MAGI2: variants seen among roughly 807,000 people sequenced by gnomAD.
The protein encoded by MAGI2 is membrane-associated guanylate kinase, WW and PDZ domain-containing protein 2.
A neutral mutation model predicts 133.3 loss-of-function variants in MAGI2; 35 were observed. That is an observed-to-expected ratio of 0.26 (90% confidence interval 0.20 to 0.35). The LOEUF (loss-of-function observed/expected upper bound fraction) is 0.35. MAGI2 is among the 10% of genes least tolerant of loss of function. The probability of loss-of-function intolerance (pLI) is 1.00; values close to 1 mark genes in which losing one functional copy is unlikely to be tolerated. For synonymous variants in MAGI2, 729 were observed against 710.6 expected, an observed-to-expected ratio of 1.03 and a Z score of -0.41; for missense variants, 1,636 against 1,863.4, an observed-to-expected ratio of 0.88 and a Z score of 2.25.
Position 79,250,274 on chromosome 7 carries a change from G to A in MAGI2, c.301+202746C>T, listed in dbSNP as rs142111835. On this transcript the variant is annotated intron_variant, in intron 1 of 21. Transcript: ENST00000354212. ...ATGTTCATCACTTTTATTCAACATGGTATTGGAAGTCATATCTAGACCTTT... is the reference window on the plus strand; with the variant it reads ...ATGTTCATCACTTTTATTCAACATGATATTGGAAGTCATATCTAGACCTTT... Among the ~76,000 whole-genome samples, 57 of 149,982 alleles carry A rather than the reference G, an allele frequency of 3.8e-4. No individual in the cohort carries two copies. In the East Asian group the frequency reaches 0.011, roughly 28 times the overall value.
chr7:79,336,520 A>T (rs1436204004), intron 1 of MAGI2, among the ~76,000 whole-genome samples: 1 of 152,178 alleles, frequency 6.6e-6, no homozygotes, highest in Non-Finnish European at 1.5e-5. Context: ...GCGCTTATGC[A>T]GTACAGTATT....
In MAGI2 at chr7:79,026,084, T is replaced by C. The variant is rs146013176; in HGVS notation, c.302-18878A>G. Reference sequence around the variant, plus strand: ...TACCTGAAGTCTATCAGTTAAAATTTCCTGAAAATTCACTTTTAGACATCT... The same window carrying C: ...TACCTGAAGTCTATCAGTTAAAATTCCCTGAAAATTCACTTTTAGACATCT... On this transcript the variant is annotated intron_variant, in intron 1 of 21. Coordinates refer to ENST00000354212, the MANE Select transcript of MAGI2 (RefSeq NM_012301.4). 4.3e-3 allele frequency among the ~76,000 whole-genome samples: 653 copies of C among 152,326 alleles called. 21 individuals are homozygous for C. Among genetic ancestry groups the C allele is most frequent in the Admixed American group, 0.037 (568 of 15,288 alleles).
rs368832853 is a variant in MAGI2, at chr7:79,253,465, A to G, written c.301+199555T>C. On this transcript the variant is annotated intron_variant, in intron 1 of 21. Coordinates refer to ENST00000354212, the MANE Select transcript of MAGI2 (RefSeq NM_012301.4). ...TGAGAGCAGCCTGGCCAACATGGTG[A>G]AATCCTGTCTTTACTAAAAATATAA... is the stretch of plus-strand genomic sequence containing the variant. Among the ~76,000 whole-genome samples the G allele has an allele frequency of 5.3e-5, 8 of 152,228 alleles. No homozygotes were observed. In the East Asian group the frequency reaches 1.4e-3, roughly 26 times the overall value.
At chr7:78,446,824 C>T (rs1194562151) in intron 6 of MAGI2, among the ~76,000 whole-genome samples, 1 of 152,030 alleles carries the variant, frequency 6.6e-6, no homozygotes, top group Non-Finnish European at 1.5e-5. Flanking sequence ...TGCAATTATG[C>T]TTATAAGCAT....
At chr7:79,353,481 C>T (rs1367964185) in intron 1 of MAGI2, 3 of 455,930 alleles carry the variant, frequency 6.6e-6, no homozygotes, top group Non-Finnish European at 1.3e-5. Context: ...TGGCACCCGC[C>T]CTGGTGTGTG....
At chr7:79,224,238 A>G (rs1830670039) in intron 1 of MAGI2, among the ~76,000 whole-genome samples, 1 of 152,024 alleles carries the variant, frequency 6.6e-6, no homozygotes, top group Non-Finnish European at 1.5e-5. Flanking sequence ...ACCTCAGATG[A>G]AATGAAAGTA....
intron 2 of MAGI2, among the ~76,000 whole-genome samples, chr7:78,826,501 G>T (rs1790665466): frequency 6.6e-6 from 1 of 152,126 alleles, no homozygotes; most frequent in South Asian, 2.1e-4. Context: ...GAGTTTGGTG[G>T]TAGTGGGGGC....
At chr7:79,363,623 G>C (rs192071790) in intron 1 of MAGI2, among the ~76,000 whole-genome samples, 1 of 150,510 alleles carries the variant, frequency 6.6e-6, no homozygotes, top group East Asian at 2.0e-4. Flanking sequence ...AACAGGGGAA[G>C]TTTTCCTTGA....
At chr7:79,260,448 A>G (rs1274468909) in intron 1 of MAGI2, among the ~76,000 whole-genome samples, 1 of 152,194 alleles carries the variant, frequency 6.6e-6, no homozygotes, top group Admixed American at 6.6e-5. Context: ...TTTATCTTCA[A>G]TAATAAGTAG....
At chr7:79,261,921 G>A (rs551672172) in intron 1 of MAGI2, among the ~76,000 whole-genome samples, 443 of 152,226 alleles carry the variant, frequency 2.9e-3, no homozygotes, top group African/African-American at 0.01. Context: ...AAAGTTGCAA[G>A]TAACTTTGTT....
chr7:79,150,178 C>T (rs565945146), intron 1 of MAGI2, among the ~76,000 whole-genome samples: 3 of 151,960 alleles, frequency 2.0e-5, no homozygotes, highest in South Asian at 4.2e-4. Context: ...TGGAGCAGCC[C>T]TAGAGCCAAG....
chr7:78,032,425 G>A (rs1286555080), intron 21 of MAGI2, among the ~76,000 whole-genome samples: 1 of 152,078 alleles, frequency 6.6e-6, no homozygotes, highest in Non-Finnish European at 1.5e-5. Context: ...ATGTTGCCCA[G>A]GATGGTCTTG....
intron 2 of MAGI2, among the ~76,000 whole-genome samples, chr7:78,679,249 A>T (rs543714012): frequency 6.6e-6 from 1 of 152,166 alleles, no homozygotes; most frequent in Admixed American, 6.6e-5. Flanking sequence ...TTCTTACAGC[A>T]TCTTGTACAT....
At chr7:79,139,768 C>T (rs1821942446) in intron 1 of MAGI2, 1 of 152,160 alleles carries the variant, frequency 6.6e-6, no homozygotes, top group South Asian at 2.1e-4. Flanking sequence ...GCTGTTTCCA[C>T]AGCAATAACA....
chr7:79,250,898 T>C (rs768970164), intron 1 of MAGI2, among the ~76,000 whole-genome samples: 3 of 152,106 alleles, frequency 2.0e-5, no homozygotes, highest in Non-Finnish European at 4.4e-5. Flanking sequence ...AACAGACACA[T>C]AGGCCATCAC....
chr7:78,209,054 C>G lies in MAGI2; in HGVS notation c.2048-7861G>C, dbSNP rs1447013397. Among the ~76,000 whole-genome samples the G allele has an allele frequency of 3.5e-5, 5 of 144,040 alleles. No individual in the cohort carries two copies. The South Asian group carries it at 7.1e-4, about 20-fold the overall frequency. The allele number at this position is 144,040 out of a possible 152,430, so 94.5% of individuals were successfully genotyped here. ...GGGCTAACACGGTGAAACCCTGTCT[C>G]TACTAAAAATACAAAAAATTAGCCG... On this transcript the variant is annotated intron_variant, in intron 10 of 21. Coordinates refer to ENST00000354212, the MANE Select transcript of MAGI2 (RefSeq NM_012301.4).
intron 1 of MAGI2, among the ~76,000 whole-genome samples, chr7:79,391,832 C>A (rs7456591): frequency 0.15 from 22,223 of 151,480 alleles, 1,804 homozygotes; most frequent in East Asian, 0.29. Context: ...TACAGGCGCA[C>A]GCCACCACAC....
rs546168996 is a variant in MAGI2, at chr7:78,465,536, T to A, written c.1045+24225A>T. 6.8e-4 allele frequency among the ~76,000 whole-genome samples: 104 copies of A among 152,296 alleles called. 1 individual carries two copies. Among genetic ancestry groups the A allele is most frequent in the African/African-American group, 2.2e-3 (91 of 41,560 alleles). ...CATATGGCATGGATAAGGATGTAAT[T>A]ATGAAAAGATGTAGATTATCACAGA... On this transcript the variant is annotated intron_variant, in intron 6 of 21. Transcript: ENST00000354212.
chr7:79,193,833 G>C (rs189288700), intron 1 of MAGI2, among the ~76,000 whole-genome samples: 1 of 151,968 alleles, frequency 6.6e-6, no homozygotes, highest in Admixed American at 6.6e-5. Flanking sequence ...ATTCTTGGGC[G>C]TTGCAAACCG....
Sources: allele counts gnomAD v4.1 joint callset (sites outside exome capture counted in the v4.1 genomes callset), GRCh38; gene constraint gnomAD v4.1.1; transcripts MANE v1.5; gene names NCBI Gene and HGNC (gene_info 2026-07-23, HGNC 2026-07-21).